ANKMY1: variants seen among roughly 807,000 people sequenced by gnomAD.
ANKMY1 encodes the protein ankyrin repeat and MYND domain-containing protein 1.
Under a neutral mutation model 102.0 loss-of-function variants are expected in ANKMY1, and 98 were observed. The observed-to-expected ratio is 0.96, with a 90% CI of 0.82 to 1.14. ANKMY1 has a LOEUF of 1.14. Ranked by LOEUF, ANKMY1 falls within the 50% of genes most tolerant of loss-of-function variation. The pLI, the probability that ANKMY1 is intolerant of heterozygous loss-of-function variation, is 0.00. For synonymous variants in ANKMY1, 582 were observed against 559.9 expected (o/e 1.04, Z -0.56); for missense variants, 1,330 against 1,347.6 (o/e 0.99, Z 0.20).
chr2:240,474,688 C>T (rs949983483), downstream of ANKMY1, among the ~76,000 whole-genome samples: 9 of 152,088 alleles, frequency 5.9e-5, no homozygotes, highest in Non-Finnish European at 1.0e-4. Flanking sequence ...TTTTCTGTTC[C>T]TGCGTTAGTT....
At chr2:240,473,147 A>T in the ANKMY1 span, among the ~76,000 whole-genome samples, 1 of 150,984 alleles carries the variant, frequency 6.6e-6, no homozygotes, top group Admixed American at 6.6e-5. Flanking sequence ...AAACAAAAAA[A>T]ACCACCAAAA....
intron 15 of ANKMY1, 36 bp from the exon 16 acceptor site, chr2:240,482,297 G>A (rs764308828): frequency 1.8e-5 from 29 of 1,582,714 alleles, no homozygotes; most frequent in Non-Finnish European, 2.5e-5. Context: ...GTACCCACGT[G>A]GCAGGGTGGG....
intron 8 of ANKMY1, among the ~76,000 whole-genome samples, chr2:240,521,195 G>A (rs532926291): frequency 6.6e-6 from 1 of 152,326 alleles, no homozygotes; most frequent in Non-Finnish European, 1.5e-5. Context: ...CAGGGCAGGT[G>A]TAGGATCGAG....
chr2:240,469,385 A>G, the ANKMY1 span, among the ~76,000 whole-genome samples: 56 of 152,162 alleles, frequency 3.7e-4, no homozygotes, highest in Non-Finnish European at 7.2e-4. Context: ...TGCTGCCCCA[A>G]GAGGCTGCTC....
chr2:240,555,831 C>G (rs2092286390), intron 2 of ANKMY1, among the ~76,000 whole-genome samples: 1 of 152,026 alleles, frequency 6.6e-6, no homozygotes, highest in Admixed American at 6.5e-5. Context: ...GCATCCCAGA[C>G]CAACACAGGT....
At chr2:240,495,187 G>A (rs370659764) in intron 15 of ANKMY1, among the ~76,000 whole-genome samples, 4 of 149,898 alleles carry the variant, frequency 2.7e-5, no homozygotes, top group East Asian at 2.0e-4. Flanking sequence ...CAAGCGGACC[G>A]TGGTCTAGCG....
At chr2:240,485,663 C>T (rs2151882536) in intron 15 of ANKMY1, among the ~76,000 whole-genome samples, 1 of 151,918 alleles carries the variant, frequency 6.6e-6, no homozygotes, top group East Asian at 1.9e-4. Flanking sequence ...GATAGTGGCT[C>T]ACTGCAGCCT....
At chr2:240,543,610 T>G (rs143806103) in intron 4 of ANKMY1, among the ~76,000 whole-genome samples, 1 of 152,240 alleles carries the variant, frequency 6.6e-6, no homozygotes, top group African/African-American at 2.4e-5. Context: ...AAAATACCCA[T>G]GTAGTTAACT....
At position 240,523,443 on chromosome 2, in the gene ANKMY1, C is replaced by T. The variant is rs531060972; in HGVS notation, c.1832+442G>A. 176 of 182,848 alleles carry T rather than the reference C, an allele frequency of 9.6e-4. 1 individual carries two copies. Among genetic ancestry groups the T allele is most frequent in the African/African-American group, 3.8e-3 (161 of 42,648 alleles). The allele number at this position is 182,848 out of a possible 1,614,324, so 11.3% of individuals were successfully genotyped here. A position where few individuals can be genotyped will look rare whatever the true frequency, so the allele number is the denominator to read the frequency against. ...ACTCCCTGAAAGGGTCTTGGACCCC[C>T]GGGGGTGCATAGACCACATTTTGAG... On this transcript the variant is annotated intron_variant, in intron 8 of 17. Transcript: ENST00000401804.
chr2:240,478,986 G>A (rs905327834), downstream of ANKMY1, among the ~76,000 whole-genome samples: 8 of 152,174 alleles, frequency 5.3e-5, no homozygotes, highest in Non-Finnish European at 1.0e-4. Context: ...TTTCCACGCA[G>A]GCCACCCTCG....
intron 16 of ANKMY1, among the ~76,000 whole-genome samples, chr2:240,481,875 G>A (rs1168984215): frequency 6.6e-6 from 1 of 152,172 alleles, no homozygotes; most frequent in Admixed American, 6.5e-5. Flanking sequence ...GGCCGTCTCT[G>A]GGATGGGAGG....
intron 4 of ANKMY1, among the ~76,000 whole-genome samples, chr2:240,541,040 T>C (rs373472852): frequency 2.3e-4 from 35 of 152,288 alleles, no homozygotes; most frequent in South Asian, 1.2e-3. Flanking sequence ...ATTTGGGAAA[T>C]TTTTAAAGGA....
intron 13 of ANKMY1, among the ~76,000 whole-genome samples, chr2:240,501,488 T>A (rs1302048328): frequency 6.6e-6 from 1 of 152,144 alleles, no homozygotes; most frequent in Non-Finnish European, 1.5e-5. Context: ...CAGGGCAGCC[T>A]GTGTGAGTGG....
At chr2:240,554,781 TTCCCG>T in intron 3 of ANKMY1, 80 bp downstream of exon 3, 1 of 1,502,568 alleles carries the variant, frequency 6.7e-7, no homozygotes. Context: ...GGCCTAAAAG[TTCCCG>T]TCCCATCACT....
Position 240,524,390 on chromosome 2 carries a change from A to G in ANKMY1, c.1336-9T>C, listed in dbSNP as rs2082937194. 1 of 1,584,776 alleles carries G rather than the reference A, an allele frequency of 6.3e-7. No homozygotes were observed. Among genetic ancestry groups the G allele is most frequent in the East Asian group, 2.2e-5 (1 of 44,518 alleles). ...GGGAATTTTGGAGGTTCCTTTGGAA[A>G]GAACCAAAAAAGTGTCATTAGAATA... On this transcript the variant is annotated splice_polypyrimidine_tract_variant and intron_variant, in intron 7 of 17. Coordinates refer to ENST00000401804, the MANE Select transcript of ANKMY1 (RefSeq NM_001282771.3).
At chr2:240,516,916 C>T (rs1276485891) in intron 9 of ANKMY1, among the ~76,000 whole-genome samples, 2 of 152,188 alleles carry the variant, frequency 1.3e-5, no homozygotes, top group East Asian at 1.9e-4. Flanking sequence ...TGAAACACTG[C>T]TGTTTCTTTT....
At chr2:240,535,340 AC>A (rs2086461589) in intron 4 of ANKMY1, among the ~76,000 whole-genome samples, 1 of 152,184 alleles carries the variant, frequency 6.6e-6, no homozygotes, top group Non-Finnish European at 1.5e-5. Flanking sequence ...GTTTATCTGA[AC>A]CCAGTTTACT....
chr2:240,509,324 T>C lies in ANKMY1; in HGVS notation c.2394+24A>G, dbSNP rs181275702. On this transcript the variant is annotated intron_variant, in intron 12 of 17. Transcript: ENST00000401804. ...AGACGGAAACACATAGGTGCACAGG[T>C]CTGTGGGTACAGAACATGCTCACCA... 202 of 1,588,788 alleles carry C rather than the reference T, an allele frequency of 1.3e-4. No homozygotes were observed. The East Asian group carries it at 4.2e-3, about 33-fold the overall frequency.
At chr2:240,474,493 T>C (rs1380576157), downstream of ANKMY1, among the ~76,000 whole-genome samples, 2 of 152,106 alleles carry the variant, frequency 1.3e-5, no homozygotes, top group Non-Finnish European at 2.9e-5. Context: ...TGGGGGGTTG[T>C]TGTACAGATT....
Sources: allele counts gnomAD v4.1 joint callset (sites outside exome capture counted in the v4.1 genomes callset), GRCh38; gene constraint gnomAD v4.1.1; transcripts MANE v1.5; gene names NCBI Gene and HGNC (gene_info 2026-07-23, HGNC 2026-07-21).